PLSCR1: variants seen among roughly 807,000 people sequenced by gnomAD.
PLSCR1 encodes the protein PL scramblase 1.
Under a neutral mutation model 37.8 loss-of-function variants are expected in PLSCR1, and 17 were observed. The ratio of observed to expected loss-of-function variants is 0.45; its 90% CI spans 0.31 to 0.68. The LOEUF (loss-of-function observed/expected upper bound fraction) is 0.68. PLSCR1 is among the 30% of genes least tolerant of loss of function. The probability of loss-of-function intolerance (pLI) is 0.06; values close to 1 mark genes in which losing one functional copy is unlikely to be tolerated. For missense variants in PLSCR1, 347 were observed against 380.9 expected (o/e 0.91, Z 0.74); for synonymous variants, 116 against 125.9 (o/e 0.92, Z 0.53).
intron 1 of PLSCR1, among the ~76,000 whole-genome samples, 171 bp downstream of exon 1, chr3:146,544,296 C>T (rs1351824733): frequency 6.6e-6 from 1 of 152,196 alleles, no homozygotes; most frequent in East Asian, 1.9e-4. Context: ...TGGCCCCAAC[C>T]TTCACCCCAC....
chr3:146,526,722 G>T (rs1480032049), intron 4 of PLSCR1, among the ~76,000 whole-genome samples: 1 of 152,126 alleles, frequency 6.6e-6, no homozygotes, highest in African/African-American at 2.4e-5. Flanking sequence ...ATGAAATCCT[G>T]TCATTGGCAG....
intron 2 of PLSCR1, among the ~76,000 whole-genome samples, chr3:146,535,848 C>T (rs1290897499): frequency 6.6e-6 from 1 of 152,070 alleles, no homozygotes; most frequent in Non-Finnish European, 1.5e-5. Context: ...AAGGGTGACA[C>T]TGTAGTGACA....
chr3:146,537,206 G>A (rs1409101305), intron 1 of PLSCR1, among the ~76,000 whole-genome samples: 1 of 151,846 alleles, frequency 6.6e-6, no homozygotes, highest in Admixed American at 6.6e-5. Context: ...TTTGTACTCG[G>A]TATTTATACA....
chr3:146,534,646 G>T (rs1310634591), intron 2 of PLSCR1, among the ~76,000 whole-genome samples: 2 of 151,612 alleles, frequency 1.3e-5, no homozygotes, highest in Non-Finnish European at 2.9e-5. Flanking sequence ...TGTAAAATCA[G>T]GCAAAAAAAC....
chr3:146,536,464 CATT>C, intron 2 of PLSCR1, 73 bp downstream of exon 2: 2 of 848,946 alleles, frequency 2.4e-6, no homozygotes, highest in Non-Finnish European at 4.1e-6. Flanking sequence ...CTGAATAAAA[CATT>C]ATGACAAATA....
intron 4 of PLSCR1, 110 bp from the exon 5 acceptor site, chr3:146,525,757 A>G (rs1184481852): frequency 1.9e-6 from 1 of 540,506 alleles, no homozygotes; most frequent in African/African-American, 2.0e-5. Context: ...GTAACCAATT[A>G]TCAATATTTA....
chr3:146,525,572 T>A (rs776473860), intron 5 of PLSCR1, 33 bp downstream of exon 5: 12 of 1,177,052 alleles, frequency 1.0e-5, no homozygotes, highest in Non-Finnish European at 1.5e-5. Context: ...TTCTACTCTT[T>A]ATAGAAACAG....
chr3:146,528,660 G>A lies in PLSCR1; in HGVS notation c.266C>T (p.Pro89Leu), dbSNP rs780958893. 6 of 1,614,116 alleles carry A rather than the reference G, an allele frequency of 3.7e-6. No individual in the cohort carries two copies. In the South Asian group the frequency reaches 6.6e-5, roughly 18 times the overall value. ...GAAGVPWMPA[P>L]QPPLNCPPGL... ...AGGTGGACAGTTTAATGGAGGCTGT[G>A]GCGCTGGCATCCATGGTACCCCTGC... is the stretch of plus-strand genomic sequence containing the variant. The change falls in exon 4 of 9, where the codon CCA becomes CTA. Residue 89 changes from proline to leucine, a missense_variant. By Grantham distance (98) the Pro-to-Leu change is moderately conservative. Coordinates refer to ENST00000342435, the MANE Select transcript of PLSCR1 (RefSeq NM_021105.3).
chr3:146,532,147 T>C (rs79488779), intron 3 of PLSCR1, among the ~76,000 whole-genome samples: 2,944 of 152,292 alleles, frequency 0.019, 45 homozygotes, highest in Non-Finnish European at 0.031. Context: ...GAGCCATATA[T>C]ATCTATATAT....
chr3:146,516,788 G>C (rs535449699), intron 8 of PLSCR1: 2 of 398,098 alleles, frequency 5.0e-6, no homozygotes, highest in African/African-American at 4.2e-5. Context: ...TCCCCCTCTT[G>C]CCATGTGAAT....
intron 7 of PLSCR1, among the ~76,000 whole-genome samples, chr3:146,517,981 T>C (rs2043969795): frequency 2.0e-5 from 3 of 152,200 alleles, no homozygotes; most frequent in Admixed American, 6.5e-5. Flanking sequence ...GCTAAATAAA[T>C]GTGGGGAATC....
Position 146,521,959 on chromosome 3 carries a change from G to T in PLSCR1, c.450C>A (p.Thr150=), listed in dbSNP as rs776993957. 1 of 1,612,468 alleles carries T rather than the reference G, an allele frequency of 6.2e-7. No homozygotes were observed. The highest frequency in any genetic ancestry group is 2.2e-5 in the East Asian group (1 of 44,878). ...YFAAEDTDCC[T]RNCCGPSRPF... Reference sequence around the variant, plus strand: ...GTCTAGATGGCCCACAGCAATTTCGGGTACAGCAATCAGTATCTTCCGCTG... The same window carrying T: ...GTCTAGATGGCCCACAGCAATTTCGTGTACAGCAATCAGTATCTTCCGCTG... Residue 150 remains threonine (T), a synonymous_variant, in exon 6 of 9, where the codon ACC becomes ACA. Transcript: ENST00000342435.
chr3:146,516,347 G>A (rs746727775), intron 8 of PLSCR1: 1 of 328,122 alleles, frequency 3.0e-6, no homozygotes, highest in Non-Finnish European at 5.5e-6. Flanking sequence ...TAATCTTCCA[G>A]TCATTTTCTC....
At chr3:146,530,639 G>A (rs547551528) in intron 3 of PLSCR1, among the ~76,000 whole-genome samples, 46 of 152,232 alleles carry the variant, frequency 3.0e-4, no homozygotes, top group Admixed American at 2.2e-3. Flanking sequence ...AATGCTTCAG[G>A]AGGAAAGAAA....
intron 1 of PLSCR1, among the ~76,000 whole-genome samples, chr3:146,538,749 A>T (rs185832963): frequency 6.6e-6 from 1 of 152,248 alleles, no homozygotes; most frequent in Non-Finnish European, 1.5e-5. Flanking sequence ...CAGACTACTC[A>T]ACTGAAAAAA....
intron 5 of PLSCR1, among the ~76,000 whole-genome samples, chr3:146,524,889 G>C (rs1396001641): frequency 6.6e-6 from 1 of 152,148 alleles, no homozygotes; most frequent in Non-Finnish European, 1.5e-5. Flanking sequence ...CTAAAAACTG[G>C]AGAGTTTTAT....
At chr3:146,537,847 G>A (rs2044286303) in intron 1 of PLSCR1, 1 of 152,014 alleles carries the variant, frequency 6.6e-6, no homozygotes, top group Non-Finnish European at 1.5e-5. Flanking sequence ...TCCAGCCTGG[G>A]TGACAGAGCA....
intron 7 of PLSCR1, among the ~76,000 whole-genome samples, chr3:146,520,485 T>C (rs1010800370): frequency 2.6e-5 from 4 of 152,194 alleles, no homozygotes; most frequent in Non-Finnish European, 4.4e-5. Context: ...ATGCATATTA[T>C]GCACACATAT....
intron 1 of PLSCR1, chr3:146,537,914 G>T (rs1254207362): frequency 6.6e-6 from 1 of 151,922 alleles, no homozygotes; most frequent in African/African-American, 2.4e-5. Context: ...TTTGATTATT[G>T]CCAACTTTAA....
Sources: allele counts gnomAD v4.1 joint callset (sites outside exome capture counted in the v4.1 genomes callset), GRCh38; gene constraint gnomAD v4.1.1; transcripts MANE v1.5; gene names NCBI Gene and HGNC (gene_info 2026-07-23, HGNC 2026-07-21).